The following GPC6 variants were observed in gnomAD, a reference collection of about 807,000 sequenced individuals.
GPC6 encodes glypican 6, also known as glypican-6.
GPC6 carries 14 observed loss-of-function variants against 55.2 expected under a neutral mutation model. The observed-to-expected ratio is 0.25, with a 90% CI of 0.17 to 0.40. The LOEUF is 0.40. Among genes scored for constraint, GPC6 ranks in the 10% least tolerant of loss-of-function variants. The pLI, the probability that GPC6 is intolerant of heterozygous loss-of-function variation, is 1.00. For missense variants in GPC6, 641 were observed against 708.5 expected, an observed-to-expected ratio of 0.90 and a Z score of 1.08; for synonymous variants, 278 against 259.6, an observed-to-expected ratio of 1.07 and a Z score of -0.68.
At chr13:93,682,241 C>T (rs1447463491) in intron 2 of GPC6, among the ~76,000 whole-genome samples, 2 of 152,076 alleles carry the variant, frequency 1.3e-5, no homozygotes, top group Non-Finnish European at 2.9e-5. Flanking sequence ...AGCAACGCAA[C>T]GTCTCTAGGG....
intron 2 of GPC6, among the ~76,000 whole-genome samples, chr13:93,626,731 G>T (rs1879216649): frequency 6.6e-6 from 1 of 151,952 alleles, no homozygotes; most frequent in South Asian, 2.1e-4. Flanking sequence ...GAACCCGGGA[G>T]GCGGAGGTTG....
At chr13:94,210,705 T>C (rs560744024) in intron 4 of GPC6, among the ~76,000 whole-genome samples, 1 of 152,314 alleles carries the variant, frequency 6.6e-6, no homozygotes, top group African/African-American at 2.4e-5. Flanking sequence ...TATGTTTGCA[T>C]GTGAAATCAT....
At chr13:93,699,236 C>G (rs1308736939) in intron 2 of GPC6, among the ~76,000 whole-genome samples, 1 of 152,010 alleles carries the variant, frequency 6.6e-6, no homozygotes, top group African/African-American at 2.4e-5. Context: ...TAAGTTGACA[C>G]ATTTATCCAT....
At chr13:93,321,655 G>A (rs2139123222) in intron 1 of GPC6, among the ~76,000 whole-genome samples, 1 of 152,222 alleles carries the variant, frequency 6.6e-6, no homozygotes, top group African/African-American at 2.4e-5. Flanking sequence ...AATAAAAAAT[G>A]ATTTTTCTTA....
chr13:93,362,561 G>A (rs1220399531), intron 1 of GPC6, among the ~76,000 whole-genome samples: 1 of 152,116 alleles, frequency 6.6e-6, no homozygotes, highest in Non-Finnish European at 1.5e-5. Flanking sequence ...ATAACTGTGA[G>A]ATGGAGTTCT....
intron 1 of GPC6, among the ~76,000 whole-genome samples, chr13:93,544,156 A>T (rs1882448575): frequency 6.6e-6 from 1 of 151,998 alleles, no homozygotes; most frequent in African/African-American, 2.4e-5. Flanking sequence ...AGAAAAAAAA[A>T]TGACTTCAAA....
At chr13:94,075,669 T>A (rs904202586) in intron 4 of GPC6, among the ~76,000 whole-genome samples, 3 of 152,166 alleles carry the variant, frequency 2.0e-5, no homozygotes, top group African/African-American at 7.2e-5. Context: ...TTCTATGAGT[T>A]TGACTATTTC....
chr13:93,695,491 C>A (rs1281629589), intron 2 of GPC6, among the ~76,000 whole-genome samples: 1 of 151,872 alleles, frequency 6.6e-6, no homozygotes, highest in African/African-American at 2.4e-5. Flanking sequence ...TTTCAAGCAT[C>A]ATATAATCCT....
chr13:93,253,779 AT>A (rs1876863910), intron 1 of GPC6, among the ~76,000 whole-genome samples: 1 of 152,192 alleles, frequency 6.6e-6, no homozygotes, highest in Non-Finnish European at 1.5e-5. Flanking sequence ...AACTGCATTC[AT>A]TGATCTTTGT....
chr13:94,235,360 T>C (rs1368362440), intron 4 of GPC6, among the ~76,000 whole-genome samples: 1 of 151,850 alleles, frequency 6.6e-6, no homozygotes, highest in Non-Finnish European at 1.5e-5. Context: ...CCACAAGCAT[T>C]CTCCAAAAAA....
intron 2 of GPC6, among the ~76,000 whole-genome samples, chr13:93,735,184 A>G (rs1002244250): frequency 1.3e-5 from 2 of 152,196 alleles, no homozygotes; most frequent in Non-Finnish European, 2.9e-5. Flanking sequence ...AGAAAACTCA[A>G]TTAACTATTT....
intron 1 of GPC6, among the ~76,000 whole-genome samples, chr13:93,530,495 G>A (rs980499941): frequency 6.6e-6 from 1 of 152,016 alleles, no homozygotes; most frequent in African/African-American, 2.4e-5. Flanking sequence ...CTTGGTCTAG[G>A]GGCTTTTCTA....
intron 4 of GPC6, among the ~76,000 whole-genome samples, chr13:94,037,272 C>A (rs1160279401): frequency 6.6e-6 from 1 of 151,860 alleles, no homozygotes; most frequent in African/African-American, 2.4e-5. Context: ...TTAAAATGTT[C>A]GGCAAGTTCT....
At position 93,503,663 on chromosome 13, in the gene GPC6, T is replaced by C. The variant is rs115559146; in HGVS notation, c.161-41600T>C. Among the ~76,000 whole-genome samples, 272 of 152,270 alleles carry C rather than the reference T, an allele frequency of 1.8e-3. 1 individual carries two copies. Among genetic ancestry groups the C allele is most frequent in the African/African-American group, 6.3e-3 (261 of 41,556 alleles). On this transcript the variant is annotated intron_variant, in intron 1 of 8. Transcript: ENST00000377047. ...AATCTACTACTGGAAGCTGTAGCAA[T>C]GGAATCTTATGTGGTGGGGGGACTA... is the stretch of plus-strand genomic sequence containing the variant.
At chr13:93,992,917 T>C (rs1881374156) in intron 3 of GPC6, among the ~76,000 whole-genome samples, 1 of 152,212 alleles carries the variant, frequency 6.6e-6, no homozygotes, top group African/African-American at 2.4e-5. Flanking sequence ...AAACTCATCA[T>C]TTCTCAGATC....
At chr13:93,460,633 G>A (rs556139189) in intron 1 of GPC6, among the ~76,000 whole-genome samples, 50 of 152,152 alleles carry the variant, frequency 3.3e-4, no homozygotes, top group African/African-American at 1.1e-3. Flanking sequence ...ATTGGAAAAC[G>A]TAATGAAAAT....
chr13:93,477,166 ATT>A (rs1363777822), intron 1 of GPC6, among the ~76,000 whole-genome samples: 10 of 152,038 alleles, frequency 6.6e-5, no homozygotes, highest in African/African-American at 2.4e-4. Context: ...TTATATTTAA[ATT>A]TTTTTATTTA....
intron 2 of GPC6, among the ~76,000 whole-genome samples, chr13:93,590,623 A>G (rs181025420): frequency 1.8e-3 from 281 of 152,170 alleles, no homozygotes; most frequent in African/African-American, 6.7e-3. Context: ...TATTTATACT[A>G]ATACTTACTA....
chr13:93,558,585 A>T (rs1464963454), intron 2 of GPC6, among the ~76,000 whole-genome samples: 1 of 152,214 alleles, frequency 6.6e-6, no homozygotes, highest in Non-Finnish European at 1.5e-5. Context: ...TGATGAAACA[A>T]AGCTTGAACC....
Sources: gnomAD v4.1 joint callset for allele counts (sites outside exome capture counted in the v4.1 genomes callset) on GRCh38, gnomAD v4.1.1 for gene constraint, MANE v1.5 for transcripts, NCBI Gene and HGNC (gene_info 2026-07-23, HGNC 2026-07-21) for gene names.